The following LRWD1 variants were observed in gnomAD, a reference collection of about 807,000 sequenced individuals.
The protein encoded by LRWD1 is leucine rich repeats and WD repeat domain containing 1, also known as leucine-rich repeat and WD repeat-containing protein 1.
In LRWD1, 76 loss-of-function variants were observed where a neutral mutation model predicts 75.6. The observed-to-expected ratio is 1.01, with a 90% confidence interval of 0.84 to 1.22. The LOEUF (loss-of-function observed/expected upper bound fraction) is 1.22, where lower values mean the gene tolerates loss of function less well. Among genes scored for constraint, LRWD1 ranks in the 50% most tolerant of loss-of-function variants. The pLI, the probability that LRWD1 is intolerant of heterozygous loss-of-function variation, is 0.00. For synonymous variants in LRWD1, 487 were observed against 377.0 expected, an observed-to-expected ratio of 1.29 and a Z score of -3.38; for missense variants, 917 against 862.0, an observed-to-expected ratio of 1.06 and a Z score of -0.80.
At chr7:102,472,397 G>A in intron 12 of LRWD1, 57 bp from the exon 13 acceptor site, 1 of 1,549,448 alleles carries the variant, frequency 6.5e-7, no homozygotes, top group Non-Finnish European at 8.7e-7. Flanking sequence ...AGGATCTCTA[G>A]TGGGAGAAGG....
chr7:102,465,239 C>T (rs1177045613), intron 1 of LRWD1, 79 bp downstream of exon 1: 3 of 1,266,898 alleles, frequency 2.4e-6, no homozygotes, highest in Non-Finnish European at 3.1e-6. Flanking sequence ...TCCCCAACGG[C>T]CCGCTTGTCC....
At position 102,468,986 on chromosome 7, in the gene LRWD1, C is replaced by T; in HGVS notation, c.1152C>T (p.Cys384=). ...VRLLHVRAGF[C]CGVIRAHKKA... is the part of the protein sequence containing the mutation. ...TGCTGCACGTGCGTGCCGGCTTCTG[C>T]TGCGGGGTCATCCGAGCCCACAAGA... Residue 384 remains cysteine (C), a synonymous_variant, in exon 9 of 15, where the codon TGC becomes TGT. Coordinates refer to ENST00000292616, the MANE Select transcript of LRWD1 (RefSeq NM_152892.3). 3 of 1,612,772 alleles carry T rather than the reference C, an allele frequency of 1.9e-6. No homozygotes were observed. The highest frequency in any genetic ancestry group is 2.5e-6 in the Non-Finnish European group (3 of 1,179,838).
rs771908808 is a variant in LRWD1, at chr7:102,468,600, C to T, written c.966C>T (p.Cys322=). The part of the protein sequence containing the change: ...TVATCGGEAV[C]VIDCQTGIVL... ...CCACGTGCGGCGGGGAGGCTGTGTG[C>T]GTAATTGATTGCCAGACGGGCATCG... Residue 322 remains cysteine (C), a synonymous_variant, in exon 8 of 15, where the codon TGC becomes TGT. Coordinates refer to ENST00000292616, the MANE Select transcript of LRWD1 (RefSeq NM_152892.3). 25 of 1,577,852 alleles carry T rather than the reference C, an allele frequency of 1.6e-5. No individual in the cohort carries two copies. The highest frequency in any genetic ancestry group is 4.7e-5 in the East Asian group (2 of 42,690).
Position 102,469,760 on chromosome 7 carries a change from C to T in LRWD1, c.1320C>T (p.Asp440=). ...EFQASQLLTL[D]TTSIPLRLCP... ...CTGGCAGCCAGCTGCTCACACTGGA[C>T]ACCACCTCTATCCCCCTGCGCCTCT... Residue 440 remains aspartate (D), a synonymous_variant, in exon 11 of 15, where the codon GAC becomes GAT. Coordinates refer to ENST00000292616, the MANE Select transcript of LRWD1 (RefSeq NM_152892.3). 3 of 1,609,346 alleles carry T rather than the reference C, an allele frequency of 1.9e-6. No individual in the cohort carries two copies. Among genetic ancestry groups the T allele is most frequent in the Non-Finnish European group, 1.7e-6 (2 of 1,176,864 alleles).
intron 11 of LRWD1, 101 bp from the exon 12 acceptor site, chr7:102,472,117 A>C: frequency 2.8e-6 from 3 of 1,074,706 alleles, no homozygotes; most frequent in South Asian, 2.7e-5. Context: ...CAGCCTTCAC[A>C]CAGGGCAGGG....
rs1251416337 is a variant in LRWD1 at position 102,468,300 on chromosome 7, G to T, written c.842G>T (p.Cys281Phe). Reference sequence around the variant, plus strand: ...CTGGAGCCCCTGCACTTCCTGCAGTGCCACAGCAAGAACAACAGCCCCCAG... The same window carrying T: ...CTGGAGCCCCTGCACTTCCTGCAGTTCCACAGCAAGAACAACAGCCCCCAG... ...VKLEPLHFLQ[C>F]HSKNNSPQDL... Residue 281 changes from cysteine to phenylalanine, a missense_variant, in exon 7 of 15, where the codon TGC (cysteine) becomes TTC (phenylalanine). Transcript: ENST00000292616. The T allele has an allele frequency of 6.2e-7, 1 of 1,612,472 alleles. No individual in the cohort carries two copies. Among genetic ancestry groups the T allele is most frequent in the South Asian group, 1.1e-5 (1 of 90,684 alleles).
In LRWD1 at chr7:102,465,900, C is replaced by T. The variant is rs1341261798; in HGVS notation, c.164C>T (p.Ser55Phe). Reference sequence around the variant, plus strand: ...ACGCAGCTGCAGGAGCTTGACCTGTCTAACAACCACCTGGAGACGCTGCCG... The same window carrying T: ...ACGCAGCTGCAGGAGCTTGACCTGTTTAACAACCACCTGGAGACGCTGCCG... ...RLTQLQELDL[S>F]NNHLETLPDN... The change falls in exon 2 of 15, where the codon TCT becomes TTT. Residue 55 changes from serine to phenylalanine, a missense_variant. By Grantham distance (155) the Ser-to-Phe change is radical. Transcript: ENST00000292616. 6.2e-7 allele frequency: 1 copy of T among 1,613,742 alleles called. No homozygotes were observed. Among genetic ancestry groups the T allele is most frequent in the East Asian group, 2.2e-5 (1 of 44,886 alleles).
chr7:102,469,159 G>A lies in LRWD1; in HGVS notation c.1228+97G>A, dbSNP rs895740789. The A allele has an allele frequency of 3.2e-5, 37 of 1,161,220 alleles. No homozygotes were observed. In the South Asian group the frequency reaches 4.9e-4, roughly 15 times the overall value. The allele number at this position is 1,161,220 out of a possible 1,614,324, so 71.9% of individuals were successfully genotyped here. On this transcript the variant is annotated intron_variant, in intron 9 of 14. Transcript: ENST00000292616. ...CCCTCCCTGGGATGGCTGTGAGCTC[G>A]GGCGCCTGCCGGGCCCCAGTCTGCA... is the stretch of plus-strand genomic sequence containing the variant.
rs1247956420 is a variant in LRWD1, at chr7:102,472,939, G to A, written c.1834G>A (p.Gly612Ser). ...GAAGTGGCCCCAGCCCTGGGCCCTTGGCCAGGTGGTGACCAAGACCATGGT... is the reference window on the plus strand; with the variant it reads ...GAAGTGGCCCCAGCCCTGGGCCCTTAGCCAGGTGGTGACCAAGACCATGGT... Reference protein sequence around the residue: ...ILKWPQPWALGQVVTKTMVNT... With the variant: ...ILKWPQPWALSQVVTKTMVNT... The change falls in exon 15 of 15, where the codon GGC becomes AGC. Residue 612 changes from glycine (G) to serine (S), a missense_variant. Transcript: ENST00000292616. 65 of 1,613,534 alleles carry A rather than the reference G, an allele frequency of 4.0e-5. No individual in the cohort carries two copies. The highest frequency in any genetic ancestry group is 5.5e-5 in the Non-Finnish European group (65 of 1,179,776).
rs1798257560 is a variant in LRWD1, at chr7:102,472,892, C to T, written c.1804-17C>T. The T allele has an allele frequency of 6.2e-7, 1 of 1,612,588 alleles. No individual in the cohort carries two copies. The highest frequency in any genetic ancestry group is 8.5e-7 in the Non-Finnish European group (1 of 1,179,068). On this transcript the variant is annotated splice_polypyrimidine_tract_variant and intron_variant, in intron 14 of 14. Coordinates refer to ENST00000292616, the MANE Select transcript of LRWD1 (RefSeq NM_152892.3). ...TCAGCAGGAGCCCAGCCCAGCCCTC[C>T]CCTCTCTCCCCACCAGATCCTGAAG...
chr7:102,466,276 G>T lies in LRWD1; in HGVS notation c.432+6G>T. ...ATCGGGAGCTGACCAGCAGGGTAAG[G>T]GGATGAGAGGATTATTGTGTGCTTA... is the stretch of plus-strand genomic sequence containing the variant. On this transcript the variant is annotated splice_donor_region_variant and intron_variant, in intron 3 of 14. Coordinates refer to ENST00000292616, the MANE Select transcript of LRWD1 (RefSeq NM_152892.3). The T allele has an allele frequency of 6.2e-7, 1 of 1,605,712 alleles. No individual in the cohort carries two copies. The highest frequency in any genetic ancestry group is 1.1e-5 in the South Asian group (1 of 90,856).
chr7:102,465,455 G>A (rs1233272133), intron 1 of LRWD1: 1 of 399,202 alleles, frequency 2.5e-6, no homozygotes, highest in Admixed American at 4.3e-5. Flanking sequence ...CCTAGAGGGG[G>A]CTAGGATGCC....
At position 102,466,192 on chromosome 7, in the gene LRWD1, GCT is replaced by G. The variant is rs1563653248; in HGVS notation, c.356_357del (p.Leu119ProfsTer2). ...NLKVSFLLPTLRKVNGKDASS... is the reference protein window; with the variant it reads ...NLKVSFLLPTXRKVNGKDASS... The stretch of plus-strand genomic sequence containing the variant: ...TGAAAGTCTCCTTTCTCCTGCCCAC[GCT>G]CCGTAAGGTCAATGGCAAGGATGCG... On this transcript the variant is annotated frameshift_variant, in exon 3 of 15. Transcript: ENST00000292616. LOFTEE classifies it high-confidence loss of function. 1 of 1,614,026 alleles carries G rather than the reference GCT, an allele frequency of 6.2e-7. No homozygotes were observed. Among genetic ancestry groups the G allele is most frequent in the Non-Finnish European group, 8.5e-7 (1 of 1,180,028 alleles).
At chr7:102,467,251 G>A (rs1798036634) in intron 3 of LRWD1, 88 bp from the exon 4 acceptor site, 3 of 1,443,210 alleles carry the variant, frequency 2.1e-6, no homozygotes, top group South Asian at 2.5e-5. Flanking sequence ...CTTCCAGCAG[G>A]TGGCGGGATT....
rs1385317320 is a variant in LRWD1 at position 102,465,401 on chromosome 7, G to A, written c.80+241G>A. The A allele has an allele frequency of 1.1e-5, 5 of 442,230 alleles. No individual in the cohort carries two copies. The Admixed American group carries it at 1.7e-4, about 15-fold the overall frequency. 27.4% of individuals were successfully genotyped at this position (442,230 alleles called of 1,614,324 possible). A position where few individuals can be genotyped will look rare whatever the true frequency, so the allele number is the denominator to read the frequency against. ...CACAGCCTGCCGCTATCGTTAGAGG[G>A]CCTGGGAAGCACAGACGAGCCCCCG... On this transcript the variant is annotated intron_variant, in intron 1 of 14. Transcript: ENST00000292616.
chr7:102,470,238 G>A (rs1315675586), intron 11 of LRWD1: 3 of 210,422 alleles, frequency 1.4e-5, no homozygotes, highest in African/African-American at 6.9e-5. Context: ...CCGATGGCTA[G>A]CGGAGGGCAG....
chr7:102,468,053 C>A lies in LRWD1; in HGVS notation c.679-9C>A. ...AGACAGGCCCATGGTCACAAGGCCCCCTCCACAGGCCAGACTGGCGGCCTT... is the reference window on the plus strand; with the variant it reads ...AGACAGGCCCATGGTCACAAGGCCCACTCCACAGGCCAGACTGGCGGCCTT... On this transcript the variant is annotated splice_polypyrimidine_tract_variant and intron_variant, in intron 5 of 14. Transcript: ENST00000292616. The A allele has an allele frequency of 6.2e-7, 1 of 1,605,922 alleles. No individual in the cohort carries two copies. Among genetic ancestry groups the A allele is most frequent in the East Asian group, 2.2e-5 (1 of 44,828 alleles).
rs758912423 is a variant in LRWD1 at position 102,472,982 on chromosome 7, A to G, written c.1877A>G (p.Asn626Ser). 40 of 1,613,942 alleles carry G rather than the reference A, an allele frequency of 2.5e-5. No individual in the cohort carries two copies. The highest frequency in any genetic ancestry group is 1.6e-4 in the Middle Eastern group (1 of 6,082). Residue 626 changes from asparagine to serine, a missense_variant, in exon 15 of 15, where the codon AAT (asparagine) becomes AGT (serine). Physicochemically the swap from Asn to Ser is conservative, Grantham distance 46. Coordinates refer to ENST00000292616, the MANE Select transcript of LRWD1 (RefSeq NM_152892.3). Reference sequence around the variant, plus strand: ...ACCATGGTGAACACAGTGGTGGCCAATGCCTCCTTCACCTACCTCACCGCC... The same window carrying G: ...ACCATGGTGAACACAGTGGTGGCCAGTGCCTCCTTCACCTACCTCACCGCC... ...TKTMVNTVVANASFTYLTALT... is the reference protein window; with the variant it reads ...TKTMVNTVVASASFTYLTALT...
chr7:102,469,513 C>G (rs897611244), intron 9 of LRWD1, 61 bp from the exon 10 acceptor site: 2 of 1,590,714 alleles, frequency 1.3e-6, no homozygotes, highest in African/African-American at 2.7e-5. Context: ...TGGGATGCAG[C>G]CAGCAGGAGG....
Sources: gnomAD v4.1 joint callset for allele counts on GRCh38, gnomAD v4.1.1 for gene constraint, MANE v1.5 for transcripts, NCBI Gene and HGNC (gene_info 2026-07-23, HGNC 2026-07-21) for gene names.